RFC3: variants seen among roughly 807,000 people sequenced by gnomAD.
The protein encoded by RFC3 is replication factor C subunit 3, also known as A1 38 kDa subunit.
RFC3 carries 41 observed loss-of-function variants against 45.1 expected under a neutral mutation model. That is an observed-to-expected ratio of 0.91 (90% CI 0.71 to 1.18). The LOEUF (loss-of-function observed/expected upper bound fraction) is 1.18, where lower values mean the gene tolerates loss of function less well. RFC3 is among the 50% of genes most tolerant of loss of function. RFC3 has a pLI of 0.00. For synonymous variants in RFC3, 149 were observed against 144.0 expected (o/e 1.03, Z -0.25); for missense variants, 423 against 428.1 (o/e 0.99, Z 0.10).
chr13:33,836,089 ATTATTT>A lies in RFC3; in HGVS notation c.880-12_880-7del. ...TTTATTAATGATTTTTAAATTACTGATTATTTTTGTTTAGGGCCTTCTCTCAGAACT... is the reference window on the plus strand; with the variant it reads ...TTTATTAATGATTTTTAAATTACTGATTGTTTAGGGCCTTCTCTCAGAACT... On this transcript the variant is annotated splice_polypyrimidine_tract_variant and intron_variant, in intron 8 of 8. Coordinates refer to ENST00000380071, the MANE Select transcript of RFC3 (RefSeq NM_002915.4). The A allele has an allele frequency of 6.3e-7, 1 of 1,590,976 alleles. No homozygotes were observed. The highest frequency in any genetic ancestry group is 1.3e-5 in the African/African-American group (1 of 74,208).
chr13:33,885,031 C>T (rs2082511188), intron 8 of RFC3, among the ~76,000 whole-genome samples: 1 of 152,168 alleles, frequency 6.6e-6, no homozygotes, highest in African/African-American at 2.4e-5. Context: ...GGAAGAGGCA[C>T]AGTGGGCTCC....
chr13:33,969,850 TATC>T (rs767393367), downstream of RFC3, among the ~76,000 whole-genome samples: 52 of 152,158 alleles, frequency 3.4e-4, 1 homozygote, highest in Non-Finnish European at 2.4e-4. Context: ...TTTCTGGTAT[TATC>T]AGTCTTTTTA....
chr13:33,958,133 C>G (rs1157383661), intron 8 of RFC3, among the ~76,000 whole-genome samples: 1 of 152,144 alleles, frequency 6.6e-6, no homozygotes, highest in Non-Finnish European at 1.5e-5. Context: ...GAGAGGGACT[C>G]TTTGAGGAGG....
intron 8 of RFC3, among the ~76,000 whole-genome samples, chr13:33,874,452 G>A (rs548926570): frequency 3.3e-5 from 5 of 152,286 alleles, no homozygotes; most frequent in African/African-American, 9.6e-5. Context: ...TGTGTAGCTG[G>A]GATTACAGGC....
intron 8 of RFC3, among the ~76,000 whole-genome samples, chr13:33,960,469 T>G (rs995513124): frequency 6.6e-6 from 1 of 152,190 alleles, no homozygotes; most frequent in Non-Finnish European, 1.5e-5. Flanking sequence ...ATTTTTTAAA[T>G]TTGCATTGTT....
At chr13:33,961,311 C>T (rs2083055911) in intron 8 of RFC3, among the ~76,000 whole-genome samples, 2 of 152,162 alleles carry the variant, frequency 1.3e-5, no homozygotes, top group African/African-American at 4.8e-5. Context: ...TCAAAGCCTC[C>T]ATTACTTCCA....
At chr13:33,901,129 A>T (rs78091301) in intron 8 of RFC3, among the ~76,000 whole-genome samples, 9,093 of 152,096 alleles carry the variant, frequency 0.06, 362 homozygotes, top group South Asian at 0.11. Flanking sequence ...AGAAAACAAT[A>T]TGGAAATTCG....
chr13:33,840,715 A>T (rs78686602), downstream of RFC3, among the ~76,000 whole-genome samples: 25 of 151,326 alleles, frequency 1.7e-4, no homozygotes, highest in African/African-American at 5.1e-4. Flanking sequence ...TAAACAAAAA[A>T]TTTTTTTGAG....
chr13:33,818,374 T>C (rs1404366339), intron 1 of RFC3, 109 bp downstream of exon 1: 1 of 795,984 alleles, frequency 1.3e-6, no homozygotes, highest in African/African-American at 1.7e-5. Flanking sequence ...AGGTGATAAG[T>C]GCTATGGAGA....
chr13:33,910,963 G>A (rs1016989322), intron 8 of RFC3, among the ~76,000 whole-genome samples: 5 of 151,914 alleles, frequency 3.3e-5, no homozygotes, highest in Non-Finnish European at 7.4e-5. Flanking sequence ...ACGAAAGGGG[G>A]AAATCCACAC....
chr13:33,880,296 T>C (rs919402604), intron 8 of RFC3, among the ~76,000 whole-genome samples: 2 of 152,332 alleles, frequency 1.3e-5, no homozygotes, highest in Middle Eastern at 3.4e-3. Context: ...TTTTATGTAA[T>C]TGTGCTGAAA....
the RFC3 span, among the ~76,000 whole-genome samples, chr13:33,974,316 T>C: frequency 6.6e-6 from 1 of 152,232 alleles, no homozygotes; most frequent in African/African-American, 2.4e-5. Flanking sequence ...TGTTTTCCAC[T>C]TGCTCATCTC....
chr13:33,891,859 A>G (rs1277278872), intron 8 of RFC3, among the ~76,000 whole-genome samples: 2 of 152,300 alleles, frequency 1.3e-5, no homozygotes, highest in East Asian at 1.9e-4. Context: ...CCTATGTCCC[A>G]TATATTAAGA....
At position 33,851,700 on chromosome 13, in the gene RFC3, G is replaced by T. The variant is rs557655305; in HGVS notation, c.879+16483G>T. Among the ~76,000 whole-genome samples, 8 of 152,176 alleles carry T rather than the reference G, an allele frequency of 5.3e-5. No homozygotes were observed. The South Asian group carries it at 1.7e-3, about 32-fold the overall frequency. On this transcript the variant is annotated intron_variant, in intron 8 of 8. Coordinates refer to the RFC3 transcript ENST00000434425. Reference sequence around the variant, plus strand: ...CAGTTCAAACCCATGTTTTTCAGGGGTCAACTGTATAACCCATCTAAACAG... The same window carrying T: ...CAGTTCAAACCCATGTTTTTCAGGGTTCAACTGTATAACCCATCTAAACAG...
At chr13:33,954,710 A>G (rs1254650509) in intron 8 of RFC3, among the ~76,000 whole-genome samples, 1 of 152,166 alleles carries the variant, frequency 6.6e-6, no homozygotes. Flanking sequence ...TTGTGTCCTC[A>G]CAAGGCAGAG....
At chr13:33,876,385 A>G (rs559322520) in intron 8 of RFC3, among the ~76,000 whole-genome samples, 2 of 152,300 alleles carry the variant, frequency 1.3e-5, no homozygotes, top group East Asian at 3.9e-4. Context: ...GTTTTTGTTG[A>G]CAATCCTTAT....
chr13:33,820,046 G>T (rs1002413481), intron 1 of RFC3, among the ~76,000 whole-genome samples: 1 of 152,082 alleles, frequency 6.6e-6, no homozygotes, highest in East Asian at 1.9e-4. Context: ...CTTAAGATAC[G>T]TATTCCATTT....
intron 8 of RFC3, among the ~76,000 whole-genome samples, chr13:33,926,570 G>A (rs900979884): frequency 6.6e-6 from 1 of 151,774 alleles, no homozygotes; most frequent in Admixed American, 6.6e-5. Context: ...ACAAATTCAG[G>A]GAATTTTTAC....
chr13:33,857,607 TG>T (rs951422186), intron 8 of RFC3, among the ~76,000 whole-genome samples: 2 of 152,204 alleles, frequency 1.3e-5, no homozygotes, highest in African/African-American at 4.8e-5. Context: ...TTAATATTTT[TG>T]CTTCATTTTC....
Sources: allele counts gnomAD v4.1 joint callset (sites outside exome capture counted in the v4.1 genomes callset), GRCh38; gene constraint gnomAD v4.1.1; transcripts MANE v1.5; gene names NCBI Gene and HGNC (gene_info 2026-07-23, HGNC 2026-07-21).